The following FAM167A variants were observed in gnomAD, a reference collection of about 807,000 sequenced individuals.
The protein encoded by FAM167A is protein FAM167A.
Under a neutral mutation model 14.9 loss-of-function variants are expected in FAM167A, and 23 were observed. That is an observed-to-expected ratio of 1.55 (90% CI 1.11 to 2.19). The LOEUF (loss-of-function observed/expected upper bound fraction) is 2.19. FAM167A is among the 30% of genes most tolerant of loss of function. FAM167A has a pLI of 0.00. For missense variants in FAM167A, 401 were observed against 281.5 expected, an observed-to-expected ratio of 1.42 and a Z score of -3.04; for synonymous variants, 174 against 117.7, an observed-to-expected ratio of 1.48 and a Z score of -3.10.
At chr8:11,432,225 A>G (rs1805656666) in intron 2 of FAM167A, among the ~76,000 whole-genome samples, 1 of 152,212 alleles carries the variant, frequency 6.6e-6, no homozygotes, top group African/African-American at 2.4e-5. Flanking sequence ...AAAACGGCCC[A>G]AAGATTTTAG....
chr8:11,454,492 G>T lies in FAM167A; in HGVS notation c.-397-9684C>A, dbSNP rs531993605. ...CTGATTTCAACCGGAGACAAAGGCA[G>T]GGGCCATGAGCTGGGACCTGCGGTG... On this transcript the variant is annotated intron_variant, in intron 1 of 2. Coordinates refer to ENST00000284486, the MANE Select transcript of FAM167A (RefSeq NM_053279.3). Among the ~76,000 whole-genome samples, 13 of 152,368 alleles carry T rather than the reference G, an allele frequency of 8.5e-5. No individual in the cohort carries two copies. The South Asian group carries it at 2.5e-3, about 29-fold the overall frequency.
intron 2 of FAM167A, among the ~76,000 whole-genome samples, chr8:11,428,530 C>G (rs1805345142): frequency 6.6e-6 from 1 of 152,252 alleles, no homozygotes; most frequent in Non-Finnish European, 1.5e-5. Context: ...TGCTTGCGCT[C>G]TGAGAGAACA....
At chr8:11,445,414 C>G (rs1411303772) in intron 1 of FAM167A, 2 of 985,582 alleles carry the variant, frequency 2.0e-6, no homozygotes, top group Non-Finnish European at 2.4e-6. Flanking sequence ...AAGAACAACA[C>G]CTTACCTCAC....
chr8:11,456,845 G>A (rs913690222), intron 1 of FAM167A, among the ~76,000 whole-genome samples: 2 of 148,012 alleles, frequency 1.4e-5, no homozygotes, highest in Non-Finnish European at 3.0e-5. Context: ...GGTTAGGGAA[G>A]TGGGCAGGGC....
At chr8:11,441,628 C>G (rs1427315702) in intron 2 of FAM167A, among the ~76,000 whole-genome samples, 1 of 152,192 alleles carries the variant, frequency 6.6e-6, no homozygotes, top group African/African-American at 2.4e-5. Context: ...CCCCATAGCT[C>G]TCTACCCTGT....
chr8:11,471,775 C>G (rs1179612478), upstream of FAM167A, among the ~76,000 whole-genome samples: 2 of 152,186 alleles, frequency 1.3e-5, no homozygotes, highest in African/African-American at 2.4e-5. Context: ...CCACCTGGGA[C>G]CTAGGGCCCA....
At chr8:11,446,016 CAAAAAAA>C (rs36111790) in intron 1 of FAM167A, among the ~76,000 whole-genome samples, 5 of 84,292 alleles carry the variant, frequency 5.9e-5, no homozygotes, top group East Asian at 5.5e-4. Flanking sequence ...ACATCCCGGC[CAAAAAAA>C]AAAAAAAAAA....
In FAM167A at chr8:11,423,549, C is replaced by G. The variant is rs1175984358; in HGVS notation, c.*824G>C. The G allele has an allele frequency of 6.6e-6, 1 of 152,302 alleles. No homozygotes were observed. Among genetic ancestry groups the G allele is most frequent in the Non-Finnish European group, 1.5e-5 (1 of 68,094 alleles). The allele number at this position is 152,302 out of a possible 1,614,324, so 9.4% of individuals were successfully genotyped here. On this transcript the variant is annotated 3_prime_UTR_variant, in exon 3 of 3. Transcript: ENST00000284486. ...CCGGTCACGCCCCTGCAGGAGAATT[C>G]AGTTATGGAAAATGCTTTCAGGACC...
At chr8:11,432,370 T>G (rs888983488) in intron 2 of FAM167A, among the ~76,000 whole-genome samples, 4 of 151,962 alleles carry the variant, frequency 2.6e-5, no homozygotes, top group African/African-American at 7.3e-5. Flanking sequence ...TTAAACAAAT[T>G]TACAAGAAAA....
chr8:11,441,814 T>C (rs557794118), intron 2 of FAM167A, among the ~76,000 whole-genome samples: 30 of 152,306 alleles, frequency 2.0e-4, no homozygotes, highest in African/African-American at 7.2e-4. Flanking sequence ...CAGTCCTGTT[T>C]CTCTCTCTGC....
chr8:11,468,865 G>C (rs959633830), upstream of FAM167A, among the ~76,000 whole-genome samples: 7 of 152,182 alleles, frequency 4.6e-5, no homozygotes, highest in Admixed American at 3.9e-4. Context: ...TTGCCCTGTG[G>C]CTCCCATTCT....
chr8:11,456,209 C>CTG (rs1402447981), intron 1 of FAM167A, among the ~76,000 whole-genome samples: 2 of 66 alleles, frequency 0.03, no homozygotes, highest in Non-Finnish European at 0.067. Flanking sequence ...GGTTGCCTTG[C>CTG]TGTGTGAGTG....
chr8:11,433,022 C>T (rs1054687400), intron 2 of FAM167A, among the ~76,000 whole-genome samples: 5 of 151,954 alleles, frequency 3.3e-5, no homozygotes, highest in East Asian at 1.9e-4. Context: ...AATGATAACA[C>T]GTGGACACAG....
At chr8:11,433,016 A>G (rs1805720799) in intron 2 of FAM167A, among the ~76,000 whole-genome samples, 1 of 152,158 alleles carries the variant, frequency 6.6e-6, no homozygotes, top group East Asian at 1.9e-4. Context: ...TTGAACAATG[A>G]TAACACGTGG....
At chr8:11,427,736 G>A (rs1455667744) in intron 2 of FAM167A, among the ~76,000 whole-genome samples, 2 of 152,192 alleles carry the variant, frequency 1.3e-5, no homozygotes, top group Non-Finnish European at 1.5e-5. Flanking sequence ...AAGATAGAAA[G>A]TCTTGCTTGG....
At position 11,424,349 on chromosome 8, in the gene FAM167A, C is replaced by A; in HGVS notation, c.*24G>T. On this transcript the variant is annotated 3_prime_UTR_variant, in exon 3 of 3. Coordinates refer to ENST00000284486, the MANE Select transcript of FAM167A (RefSeq NM_053279.3). ...TCCAGCCCAAGCCCTCCGCTCCAGCCCCTCCGCCCAGTCTGAGGGCTCCTC... is the reference window on the plus strand; with the variant it reads ...TCCAGCCCAAGCCCTCCGCTCCAGCACCTCCGCCCAGTCTGAGGGCTCCTC... 1 of 1,611,768 alleles carries A rather than the reference C, an allele frequency of 6.2e-7. No homozygotes were observed.
rs1253317993 is a variant in FAM167A at position 11,423,176 on chromosome 8, C to A, written c.*1197G>T. On this transcript the variant is annotated 3_prime_UTR_variant, in exon 3 of 3. Transcript: ENST00000284486. Reference sequence around the variant, plus strand: ...CAAAGGTCAGAAACACTCCTTATCTCAGGATTCTACGGGTCTGGCCGAGGG... The same window carrying A: ...CAAAGGTCAGAAACACTCCTTATCTAAGGATTCTACGGGTCTGGCCGAGGG... 6.6e-6 allele frequency: 1 copy of A among 152,244 alleles called. No homozygotes were observed. Among genetic ancestry groups the A allele is most frequent in the African/African-American group, 2.4e-5 (1 of 41,426 alleles). The allele number at this position is 152,244 out of a possible 1,614,324, so 9.4% of individuals were successfully genotyped here. A position where few individuals can be genotyped will look rare whatever the true frequency, so the allele number is the denominator to read the frequency against.
At chr8:11,433,431 A>G (rs535813821) in intron 2 of FAM167A, among the ~76,000 whole-genome samples, 5 of 152,282 alleles carry the variant, frequency 3.3e-5, no homozygotes, top group African/African-American at 1.2e-4. Context: ...ATTCCTGAAG[A>G]ATGTGGCTGT....
chr8:11,457,613 G>A (rs570543827), intron 1 of FAM167A, among the ~76,000 whole-genome samples: 3 of 152,190 alleles, frequency 2.0e-5, no homozygotes, highest in East Asian at 1.9e-4. Context: ...AGCAGTGCCC[G>A]GCACACAGCG....
Sources: allele counts gnomAD v4.1 joint callset (sites outside exome capture counted in the v4.1 genomes callset), GRCh38; gene constraint gnomAD v4.1.1; transcripts MANE v1.5; gene names NCBI Gene and HGNC (gene_info 2026-07-23, HGNC 2026-07-21).